IGF2BP2: variants seen among roughly 807,000 people sequenced by gnomAD.
IGF2BP2 encodes insulin-like growth factor 2 mRNA-binding protein 2.
A neutral mutation model predicts 75.8 loss-of-function variants in IGF2BP2; 17 were observed. The ratio of observed to expected loss-of-function variants is 0.22; its 90% CI spans 0.15 to 0.34. IGF2BP2 has a LOEUF of 0.34. IGF2BP2 is among the 10% of genes least tolerant of loss of function. IGF2BP2 has a pLI of 1.00. For missense variants in IGF2BP2, 516 were observed against 772.4 expected, an observed-to-expected ratio of 0.67 and a Z score of 3.93; for synonymous variants, 288 against 295.6, an observed-to-expected ratio of 0.97 and a Z score of 0.26.
chr3:185,647,229 C>T lies in IGF2BP2; in HGVS notation c.1594-91G>A. 1 of 913,018 alleles carries T rather than the reference C, an allele frequency of 1.1e-6. No individual in the cohort carries two copies. The highest frequency in any genetic ancestry group is 1.8e-6 in the Non-Finnish European group (1 of 545,678). The allele number at this position is 913,018 out of a possible 1,614,324, so 56.6% of individuals were successfully genotyped here. ...CGGAGTGAGGGGCCAAGAGGTGGAG[C>T]AGGGGAAGGAGGGGGGCTGGACTCT... On this transcript the variant is annotated intron_variant, in intron 14 of 15. Coordinates refer to ENST00000382199, the MANE Select transcript of IGF2BP2 (RefSeq NM_006548.6). The surrounding 1 kb of genome is among the most constrained non-coding windows in gnomAD (Gnocchi z 4.9).
intron 2 of IGF2BP2, among the ~76,000 whole-genome samples, chr3:185,795,386 G>C (rs968086003): frequency 5.3e-5 from 8 of 152,110 alleles, no homozygotes; most frequent in African/African-American, 1.7e-4. Flanking sequence ...ATGGACACTC[G>C]GGCCACTTCC....
intron 2 of IGF2BP2, among the ~76,000 whole-genome samples, chr3:185,797,895 CT>C (rs1190225908): frequency 2.0e-5 from 2 of 98,164 alleles, no homozygotes; most frequent in African/African-American, 9.7e-5. Context: ...GACCCTGTCT[CT>C]TAAAAAAAAA....
intron 2 of IGF2BP2, among the ~76,000 whole-genome samples, chr3:185,810,528 C>T (rs1418660467): frequency 6.6e-6 from 1 of 152,206 alleles, no homozygotes; most frequent in Non-Finnish European, 1.5e-5. Flanking sequence ...AATCCCAGCA[C>T]TTTAGGGGGC....
At chr3:185,770,356 T>C (rs1733717682) in intron 2 of IGF2BP2, among the ~76,000 whole-genome samples, 1 of 152,074 alleles carries the variant, frequency 6.6e-6, no homozygotes, top group African/African-American at 2.4e-5. Flanking sequence ...AAATGGGATG[T>C]GATAGGAAAA....
intron 1 of IGF2BP2, 63 bp from the exon 2 acceptor site, chr3:185,823,276 G>C: frequency 7.5e-7 from 1 of 1,328,882 alleles, no homozygotes; most frequent in Non-Finnish European, 1.1e-6. Flanking sequence ...GGGTCTAGGG[G>C]GGGCACGCAC....
intron 2 of IGF2BP2, among the ~76,000 whole-genome samples, chr3:185,779,147 T>C (rs1008233962): frequency 6.6e-6 from 1 of 151,940 alleles, no homozygotes; most frequent in African/African-American, 2.4e-5. Flanking sequence ...TTAAAACTCA[T>C]GAGTCAAAAT....
At chr3:185,792,781 A>T (rs1736831192) in intron 2 of IGF2BP2, among the ~76,000 whole-genome samples, 2 of 151,592 alleles carry the variant, frequency 1.3e-5, no homozygotes, top group Admixed American at 6.6e-5. Flanking sequence ...AAAAAAAAAA[A>T]TACAGAGGTG....
chr3:185,716,222 T>A (rs1342747487), intron 2 of IGF2BP2, among the ~76,000 whole-genome samples: 2 of 152,018 alleles, frequency 1.3e-5, no homozygotes, highest in African/African-American at 2.4e-5. Context: ...AAGGCCTCCA[T>A]CAAAGTAATG....
rs903677264 is a variant in IGF2BP2, at chr3:185,808,738, T to A, written c.239+14415A>T. ...CCACACCTGGCTATTTTTTTTTTTT[T>A]TATCATTTTAGTAGAGATGGGGTTT... On this transcript the variant is annotated intron_variant, in intron 2 of 15. Coordinates refer to ENST00000382199, the MANE Select transcript of IGF2BP2 (RefSeq NM_006548.6). 4.0e-5 allele frequency among the ~76,000 whole-genome samples: 6 copies of A among 151,464 alleles called. No homozygotes were observed. In the East Asian group the frequency reaches 1.2e-3, roughly 30 times the overall value.
intron 2 of IGF2BP2, among the ~76,000 whole-genome samples, chr3:185,783,538 T>C (rs1239437848): frequency 1.3e-5 from 2 of 152,244 alleles, no homozygotes; most frequent in Non-Finnish European, 2.9e-5. Context: ...GAGCCGTTAC[T>C]TGGTCACCAG....
chr3:185,703,052 C>T (rs185401428), intron 2 of IGF2BP2, among the ~76,000 whole-genome samples: 14 of 152,282 alleles, frequency 9.2e-5, no homozygotes, highest in Admixed American at 2.6e-4. Context: ...TACCAGGAAA[C>T]GAGTAATGCA....
chr3:185,825,040 C>CT lies in IGF2BP2; in HGVS notation c.-81dup, dbSNP rs1303263526. The stretch of plus-strand genomic sequence containing the variant: ...GCCTCCTCCGCTGCCCTCGTCTCTC[C>CT]TCCTCCTCCGCCCCCCCTCCCCGCC... On this transcript the variant is annotated 5_prime_UTR_variant, in exon 1 of 16. Coordinates refer to ENST00000382199, the MANE Select transcript of IGF2BP2 (RefSeq NM_006548.6). 1.7e-5 allele frequency: 20 copies of CT among 1,187,468 alleles called. No individual in the cohort carries two copies. Among genetic ancestry groups the CT allele is most frequent in the Non-Finnish European group, 6.8e-6 (6 of 888,872 alleles). 73.6% of individuals were successfully genotyped at this position (1,187,468 alleles called of 1,614,324 possible).
chr3:185,685,371 T>C (rs1720976523), intron 7 of IGF2BP2, among the ~76,000 whole-genome samples: 1 of 151,988 alleles, frequency 6.6e-6, no homozygotes, highest in Non-Finnish European at 1.5e-5. Flanking sequence ...AAAAGTATTA[T>C]TTACTAAGTT....
chr3:185,696,702 G>C, intron 3 of IGF2BP2, 39 bp from the exon 4 acceptor site: 4 of 1,553,946 alleles, frequency 2.6e-6, no homozygotes, highest in Non-Finnish European at 2.7e-6. Context: ...GGGAAGGCAA[G>C]ATCATATGTA....
intron 2 of IGF2BP2, among the ~76,000 whole-genome samples, chr3:185,734,666 G>A (rs1055839160): frequency 1.3e-5 from 2 of 152,162 alleles, no homozygotes; most frequent in African/African-American, 4.8e-5. Context: ...CAGCAGTAAC[G>A]TGGAAAAAAA....
chr3:185,812,304 T>C (rs1740004454), intron 2 of IGF2BP2, among the ~76,000 whole-genome samples: 1 of 152,106 alleles, frequency 6.6e-6, no homozygotes, highest in Non-Finnish European at 1.5e-5. Flanking sequence ...TGCCCATCAC[T>C]CTTCAAAGGC....
At chr3:185,656,558 G>C (rs546563121) in intron 12 of IGF2BP2, among the ~76,000 whole-genome samples, 1 of 152,314 alleles carries the variant, frequency 6.6e-6, no homozygotes, top group South Asian at 2.1e-4. Flanking sequence ...ATTATTTTGC[G>C]TAACAACAAA....
intron 2 of IGF2BP2, among the ~76,000 whole-genome samples, chr3:185,820,760 T>A (rs778904795): frequency 6.6e-6 from 1 of 152,174 alleles, no homozygotes; most frequent in African/African-American, 2.4e-5. Flanking sequence ...AACTAATTCT[T>A]GAGAAATCAA....
At chr3:185,759,954 C>T (rs1048558633) in intron 2 of IGF2BP2, among the ~76,000 whole-genome samples, 5 of 152,104 alleles carry the variant, frequency 3.3e-5, no homozygotes, top group African/African-American at 4.8e-5. Context: ...TATACCATAC[C>T]CACTGGATTA....
Sources: allele counts gnomAD v4.1 joint callset (sites outside exome capture counted in the v4.1 genomes callset), GRCh38; gene constraint gnomAD v4.1.1; non-coding constraint Gnocchi (gnomAD v3.1); transcripts MANE v1.5; gene names NCBI Gene and HGNC (gene_info 2026-07-23, HGNC 2026-07-21).